Variants in PDE4DIP observed in about 807,000 individuals in gnomAD.
The protein encoded by PDE4DIP is phosphodiesterase 4D interacting protein.
A neutral mutation model predicts 221.4 loss-of-function variants in PDE4DIP; 59 were observed. The observed-to-expected ratio is 0.27, with a 90% confidence interval of 0.22 to 0.33. PDE4DIP has a LOEUF of 0.33. Among genes scored for constraint, PDE4DIP ranks in the 10% least tolerant of loss-of-function variants. The pLI is 1.00. For synonymous variants in PDE4DIP, 404 were observed against 815.9 expected (o/e 0.50, Z 8.60); for missense variants, 1,036 against 2,154.2 (o/e 0.48, Z 10.28).
chr1:148,960,901 G>T, intron 6 of PDE4DIP, 116 bp downstream of exon 9: 3 of 580,826 alleles, frequency 5.2e-6, no homozygotes, highest in Non-Finnish European at 9.3e-6. Flanking sequence ...TGTACTCCTT[G>T]TGCTCTAGGG....
intron 5 of PDE4DIP, among the ~76,000 whole-genome samples, chr1:148,948,294 A>G (rs1336368148): frequency 1.3e-5 from 2 of 152,160 alleles, no homozygotes; most frequent in Non-Finnish European, 2.9e-5. Flanking sequence ...ATCATTACAA[A>G]AGCCCTAAGT....
intron 2 of PDE4DIP, chr1:148,866,559 G>GGGAAGGAAGGAA (rs879107996): frequency 4.0e-5 from 1 of 25,278 alleles, no homozygotes; most frequent in Non-Finnish European, 7.5e-5. Context: ...AGAGGAGGGA[G>GGGAAGGAAGGAA]GGAAGGAAGG....
At position 148,927,080 on chromosome 1, in the gene PDE4DIP, A is replaced by G. The variant is rs369299002; in HGVS notation, c.142-2117A>G. ...TTATGTCTCAAATATTGCAAAGGAT[A>G]TACTTCTAATGAAACAAATTATTTG... is the stretch of plus-strand genomic sequence containing the variant. On this transcript the variant is annotated intron_variant, in intron 1 of 43. Coordinates refer to ENST00000369354, the Ensembl canonical transcript of PDE4DIP. Among the ~76,000 whole-genome samples the G allele has an allele frequency of 2.1e-4, 32 of 150,460 alleles. No individual in the cohort carries two copies. The East Asian group carries it at 6.2e-3, about 29-fold the overall frequency.
At chr1:148,937,093 C>A (rs2049365236) in intron 4 of PDE4DIP, among the ~76,000 whole-genome samples, 1 of 152,178 alleles carries the variant, frequency 6.6e-6, no homozygotes, top group Non-Finnish European at 1.5e-5. Context: ...GTTTGCTTTA[C>A]ACCAGCAACA....
exon 32 of PDE4DIP, chr1:149,012,690 T>A (rs1778158): frequency 8.7e-6 from 14 of 1,613,946 alleles, no homozygotes; most frequent in Non-Finnish European, 1.2e-5. Flanking sequence ...ACTGGCCCTC[T>A]CCTCCTTGGC....
intron 19 of PDE4DIP, among the ~76,000 whole-genome samples, chr1:148,978,834 A>C (rs1257615497): frequency 4.6e-5 from 7 of 152,138 alleles, no homozygotes; most frequent in Non-Finnish European, 7.4e-5. Flanking sequence ...GGTATTTCCT[A>C]GAGAAACTGT....
chr1:148,990,367 C>G (rs2062781379), intron 21 of PDE4DIP: 2 of 984,964 alleles, frequency 2.0e-6, no homozygotes, highest in Non-Finnish European at 1.2e-6. Context: ...TTATTTGTCT[C>G]CGTCGAATTC....
intron 1 of PDE4DIP, among the ~76,000 whole-genome samples, chr1:148,818,150 G>A (rs1311539687): frequency 2.1e-5 from 3 of 144,826 alleles, no homozygotes; most frequent in Admixed American, 2.0e-4. Context: ...ATCAATCTTT[G>A]TTCTACTTTC....
At chr1:148,998,350 G>A (rs781858584) in exon 23 of PDE4DIP, 1 of 1,591,562 alleles carries the variant, frequency 6.3e-7, no homozygotes, top group Non-Finnish European at 8.6e-7. Context: ...TGAGGAAGCA[G>A]GATTCTCCTC....
At chr1:148,978,324 A>G (rs587727086) in exon 19 of PDE4DIP, 1 of 1,612,660 alleles carries the variant, frequency 6.2e-7, no homozygotes, top group South Asian at 1.1e-5. Context: ...CCAGCTATGG[A>G]ACGCCTGACC....
intron 21 of PDE4DIP, among the ~76,000 whole-genome samples, chr1:148,987,897 T>G (rs1458769413): frequency 3.9e-5 from 6 of 152,190 alleles, no homozygotes; most frequent in Admixed American, 1.3e-4. Flanking sequence ...TGAGACCTCA[T>G]CTGTAAAGCA....
intron 2 of PDE4DIP, among the ~76,000 whole-genome samples, chr1:148,863,963 CG>C (rs1685415191): frequency 9.0e-6 from 1 of 111,606 alleles, no homozygotes; most frequent in Non-Finnish European, 1.8e-5. Flanking sequence ...TATAATAGGC[CG>C]GGCATGGTGT....
At chr1:149,030,374 G>C (rs1553635913) in intron 43 of PDE4DIP, 96 bp downstream of exon 46, 8 of 1,540,854 alleles carry the variant, frequency 5.2e-6, no homozygotes, top group East Asian at 2.4e-5. Context: ...GGCCTGCTTT[G>C]GCCTTCCAGG....
chr1:148,870,834 A>AACAAGGCTCTTTGAAAAAATTGGT (rs1553413256), intron 3 of PDE4DIP, among the ~76,000 whole-genome samples: 1 of 149,410 alleles, frequency 6.7e-6, no homozygotes, highest in African/African-American at 2.4e-5. Context: ...TACAGGAGAG[A>AACAAGGCTCTTTGAAAAAATTGGT]TAGGAACACA....
intron 21 of PDE4DIP, among the ~76,000 whole-genome samples, chr1:148,987,491 A>ATCCC (rs2062120742): frequency 2.0e-5 from 3 of 152,154 alleles, no homozygotes. Context: ...TGTACCTGGG[A>ATCCC]GTCAGAGTGA....
At chr1:148,961,307 CAAAA>C (rs1462789867) in intron 6 of PDE4DIP, among the ~76,000 whole-genome samples, 2 of 152,038 alleles carry the variant, frequency 1.3e-5, no homozygotes, top group South Asian at 4.1e-4. Context: ...GACTCTGTCT[CAAAA>C]AAACACTTGC....
At chr1:149,027,006 C>T (rs2075367545) in intron 39 of PDE4DIP, among the ~76,000 whole-genome samples, 175 bp downstream of exon 42, 1 of 152,152 alleles carries the variant, frequency 6.6e-6, no homozygotes. Context: ...CATTGTTCAT[C>T]CTCCTGTAGT....
At chr1:148,972,245 A>G (rs782331417) in exon 15 of PDE4DIP, 4 of 1,610,854 alleles carry the variant, frequency 2.5e-6, no homozygotes, top group East Asian at 2.2e-5. Flanking sequence ...CCCTGCGCCA[A>G]TATTTAGGAG....
Position 149,024,430 on chromosome 1 carries a change from C to T in PDE4DIP, c.6086-15C>T, listed in dbSNP as rs782178103. 1.6e-5 allele frequency: 25 copies of T among 1,568,032 alleles called. 1 individual carries two copies. In the East Asian group the frequency reaches 5.2e-4, roughly 33 times the overall value. ...AAATACTTGGGTCAATGTTACCAGACTCCTTCTCTCTCAGCTTACAGCCTG... is the reference window on the plus strand; with the variant it reads ...AAATACTTGGGTCAATGTTACCAGATTCCTTCTCTCTCAGCTTACAGCCTG... On this transcript the variant is annotated splice_polypyrimidine_tract_variant and intron_variant, in intron 37 of 43. Coordinates refer to ENST00000369354, the Ensembl canonical transcript of PDE4DIP.
Sources: allele counts gnomAD v4.1 joint callset (sites outside exome capture counted in the v4.1 genomes callset), GRCh38; gene constraint gnomAD v4.1.1; transcripts MANE v1.5; gene names NCBI Gene and HGNC (gene_info 2026-07-23, HGNC 2026-07-21).